Variants in CADM2 observed in about 807,000 individuals in gnomAD.
CADM2 encodes the protein immunoglobulin superfamily member 4D.
Under a neutral mutation model 49.8 loss-of-function variants are expected in CADM2, and 12 were observed. The ratio of observed to expected loss-of-function variants is 0.24; its 90% CI spans 0.15 to 0.39. The LOEUF is 0.39. Ranked by LOEUF, CADM2 falls within the 10% of genes least tolerant of loss-of-function variation. The pLI, the probability that CADM2 is intolerant of heterozygous loss-of-function variation, is 1.00. For missense variants in CADM2, 378 were observed against 492.3 expected, an observed-to-expected ratio of 0.77 and a Z score of 2.20; for synonymous variants, 214 against 175.4, an observed-to-expected ratio of 1.22 and a Z score of -1.74.
intron 8 of CADM2, among the ~76,000 whole-genome samples, chr3:86,011,804 T>A (rs1731546933): frequency 6.6e-6 from 1 of 152,126 alleles, no homozygotes; most frequent in African/African-American, 2.4e-5. Flanking sequence ...GGTGGAAACG[T>A]ACGAACATAA....
intron 3 of CADM2, among the ~76,000 whole-genome samples, chr3:85,840,727 A>ATATCATAAT (rs1411573982): frequency 3.9e-5 from 6 of 151,924 alleles, no homozygotes; most frequent in African/African-American, 1.4e-4. Flanking sequence ...TCAGTGGCCT[A>ATATCATAAT]TATCATAATT....
At chr3:85,999,858 T>C (rs1419630208) in intron 8 of CADM2, among the ~76,000 whole-genome samples, 1 of 152,132 alleles carries the variant, frequency 6.6e-6, no homozygotes, top group Non-Finnish European at 1.5e-5. Context: ...GAATGTTGTC[T>C]GAGAAGAAAA....
intron 1 of CADM2, among the ~76,000 whole-genome samples, chr3:85,543,759 G>C (rs866052249): frequency 6.6e-5 from 10 of 152,272 alleles, no homozygotes; most frequent in Middle Eastern, 6.8e-3. Context: ...GAAGGCAGAA[G>C]GGCAAGAGCA....
At chr3:85,573,555 T>C (rs1038408856) in intron 1 of CADM2, among the ~76,000 whole-genome samples, 5 of 152,180 alleles carry the variant, frequency 3.3e-5, no homozygotes, top group African/African-American at 1.2e-4. Flanking sequence ...CTACTATCAG[T>C]GTAACATTGT....
At chr3:85,103,463 ACCC>A (rs2038087679) in intron 1 of CADM2, among the ~76,000 whole-genome samples, 1 of 152,118 alleles carries the variant, frequency 6.6e-6, no homozygotes, top group Non-Finnish European at 1.5e-5. Flanking sequence ...AAGATAAATG[ACCC>A]TAGGATTCTG....
chr3:85,882,615 G>T (rs894288953), intron 3 of CADM2, among the ~76,000 whole-genome samples: 2 of 152,088 alleles, frequency 1.3e-5, no homozygotes, highest in Admixed American at 6.5e-5. Context: ...TAATGCTTTT[G>T]TTTTTCTCCC....
intron 1 of CADM2, among the ~76,000 whole-genome samples, chr3:85,348,459 C>T (rs1057135680): frequency 6.6e-6 from 1 of 152,098 alleles, no homozygotes; most frequent in African/African-American, 2.4e-5. Context: ...TAAAAGTAAC[C>T]AACACATTTT....
In CADM2 at chr3:85,878,098, G is replaced by C. The variant is rs75070642; in HGVS notation, c.239-5193G>C. On this transcript the variant is annotated intron_variant, in intron 3 of 9. Transcript: ENST00000383699. ...ATTCAGTTCATGGAAAATCTTGTTA[G>C]GCAGCTCTATTGCTTAGCCAATAAA... 2.3e-3 allele frequency among the ~76,000 whole-genome samples: 350 copies of C among 152,140 alleles called. 11 individuals are homozygous for C. In the East Asian group the frequency reaches 0.052, roughly 23 times the overall value.
intron 1 of CADM2, among the ~76,000 whole-genome samples, chr3:85,423,864 A>G (rs1289257568): frequency 6.6e-6 from 1 of 152,156 alleles, no homozygotes; most frequent in Non-Finnish European, 1.5e-5. Context: ...CAGGTCCCAA[A>G]CAATTACTTT....
rs1213825239 is a variant in CADM2, at chr3:85,400,600, G to T, written c.62-325922G>T. ...GTCCTGGACTTTTTTTGGTTGGTAG[G>T]CTATTAATTATTGCCTCAATTTCAG... On this transcript the variant is annotated intron_variant, in intron 1 of 9. Transcript: ENST00000383699. 2.6e-5 allele frequency among the ~76,000 whole-genome samples: 4 copies of T among 152,200 alleles called. 1 individual carries two copies. Among genetic ancestry groups the T allele is most frequent in the African/African-American group, 9.6e-5 (4 of 41,526 alleles).
rs1739870026 is a variant in CADM2, at chr3:86,071,590, T to C, written c.*4807T>C. The C allele has an allele frequency of 6.6e-6, 1 of 151,928 alleles. No individual in the cohort carries two copies. The highest frequency in any genetic ancestry group is 6.6e-5 in the Admixed American group (1 of 15,226). The allele number at this position is 151,928 out of a possible 1,614,324, so 9.4% of individuals were successfully genotyped here. A position where few individuals can be genotyped will look rare whatever the true frequency, so the allele number is the denominator to read the frequency against. On this transcript the variant is annotated 3_prime_UTR_variant, in exon 10 of 10. Coordinates refer to ENST00000383699, the MANE Select transcript of CADM2 (RefSeq NM_001167675.2). Reference sequence around the variant, plus strand: ...CACTTTTAACATGGGCTATGATACTTCAATATAAATAGAGGAAATAATTAT... The same window carrying C: ...CACTTTTAACATGGGCTATGATACTCCAATATAAATAGAGGAAATAATTAT...
chr3:85,810,674 G>A (rs2072812563), intron 3 of CADM2, among the ~76,000 whole-genome samples: 1 of 151,394 alleles, frequency 6.6e-6, no homozygotes, highest in Admixed American at 6.6e-5. Context: ...CCAGTAGCTG[G>A]AACTATACAT....
At position 85,347,272 on chromosome 3, in the gene CADM2, A is replaced by G. The variant is rs375421337; in HGVS notation, c.62-379250A>G. 7.4e-5 allele frequency among the ~76,000 whole-genome samples: 11 copies of G among 148,358 alleles called. No individual in the cohort carries two copies. In the East Asian group the frequency reaches 1.2e-3, roughly 16 times the overall value. On this transcript the variant is annotated intron_variant, in intron 1 of 9. Transcript: ENST00000383699. ...AAAAGAATTGCAAATTGCAAATTAT[A>G]CTTAATAGCAATGATCAAAAGGCTG...
intron 8 of CADM2, among the ~76,000 whole-genome samples, chr3:85,986,288 A>G (rs1202887237): frequency 6.6e-6 from 1 of 152,100 alleles, no homozygotes; most frequent in Non-Finnish European, 1.5e-5. Flanking sequence ...TACTGAGGGA[A>G]AAAAATGAAT....
At chr3:86,043,088 TAA>T (rs1736170787) in intron 8 of CADM2, among the ~76,000 whole-genome samples, 1 of 152,122 alleles carries the variant, frequency 6.6e-6, no homozygotes, top group Non-Finnish European at 1.5e-5. Context: ...CTCAAAATAA[TAA>T]GAGCTATCTA....
chr3:85,356,501 AG>A (rs1295015313), intron 1 of CADM2, among the ~76,000 whole-genome samples: 1 of 152,064 alleles, frequency 6.6e-6, no homozygotes, highest in African/African-American at 2.4e-5. Context: ...TATTTTGACA[AG>A]TGGAAGCCAG....
chr3:85,750,630 C>A (rs2068821203), intron 2 of CADM2, among the ~76,000 whole-genome samples: 1 of 151,952 alleles, frequency 6.6e-6, no homozygotes, highest in Admixed American at 6.6e-5. Context: ...ATGGTAAGAA[C>A]AGCTAGATTC....
intron 2 of CADM2, among the ~76,000 whole-genome samples, chr3:85,741,690 T>C (rs759133045): frequency 9.9e-5 from 15 of 152,200 alleles, no homozygotes; most frequent in Admixed American, 5.9e-4. Flanking sequence ...GTCTCACATA[T>C]GGAAAATTCC....
rs569793436 is a variant in CADM2 at position 85,365,506 on chromosome 3, A to G, written c.62-361016A>G. ...TTAGTAATAGCCTTGGTTGACAGAG[A>G]GATTACTGGGTGCTTTCACTGAAAT... is the stretch of plus-strand genomic sequence containing the variant. On this transcript the variant is annotated intron_variant, in intron 1 of 9. Coordinates refer to ENST00000383699, the MANE Select transcript of CADM2 (RefSeq NM_001167675.2). Among the ~76,000 whole-genome samples the G allele has an allele frequency of 3.3e-5, 5 of 152,232 alleles. No homozygotes were observed. The South Asian group carries it at 6.2e-4, about 19-fold the overall frequency.
Sources: allele counts gnomAD v4.1 joint callset (sites outside exome capture counted in the v4.1 genomes callset), GRCh38; gene constraint gnomAD v4.1.1; transcripts MANE v1.5; gene names NCBI Gene and HGNC (gene_info 2026-07-23, HGNC 2026-07-21).